CHMP4B: variants seen among roughly 807,000 people sequenced by gnomAD.
The protein encoded by CHMP4B is charged multivesicular body protein 4B.
CHMP4B carries 1 observed loss-of-function variant against 25.1 expected under a neutral mutation model. That is an observed-to-expected ratio of 0.04 (90% CI 0.01 to 0.19). The LOEUF (loss-of-function observed/expected upper bound fraction) is 0.19, where lower values mean the gene tolerates loss of function less well. Among genes scored for constraint, CHMP4B ranks in the 10% least tolerant of loss-of-function variants. The probability of loss-of-function intolerance (pLI) is 1.00; values close to 1 mark genes in which losing one functional copy is unlikely to be tolerated. For synonymous variants in CHMP4B, 101 were observed against 115.6 expected (o/e 0.87, Z 0.81); for missense variants, 151 against 289.7 (o/e 0.52, Z 3.48).
rs565047487 is a variant in CHMP4B, at chr20:33,811,855, A to G, written c.190+197A>G. Among the ~76,000 whole-genome samples the G allele has an allele frequency of 3.3e-5, 5 of 151,866 alleles. No individual in the cohort carries two copies. The East Asian group carries it at 9.7e-4, about 30-fold the overall frequency. On this transcript the variant is annotated intron_variant, in intron 1 of 4. Transcript: ENST00000217402. ...GATCCCTGGACTTTTCCATCGTCAGACTTATTCTGCCCTCTCCCCTCAGCC... is the reference window on the plus strand; with the variant it reads ...GATCCCTGGACTTTTCCATCGTCAGGCTTATTCTGCCCTCTCCCCTCAGCC...
intron 1 of CHMP4B, among the ~76,000 whole-genome samples, chr20:33,812,662 T>C (rs184516645): frequency 1.3e-5 from 2 of 152,350 alleles, no homozygotes; most frequent in East Asian, 3.9e-4. Flanking sequence ...CGACATCCCT[T>C]CCCCTTGAGA....
chr20:33,812,516 C>A (rs1346235880), intron 1 of CHMP4B, among the ~76,000 whole-genome samples: 1 of 152,196 alleles, frequency 6.6e-6, no homozygotes, highest in Non-Finnish European at 1.5e-5. Context: ...TTCCTGTTGT[C>A]GTATGGCTTT....
At chr20:33,813,186 A>G (rs1198715182) in intron 1 of CHMP4B, among the ~76,000 whole-genome samples, 1 of 151,142 alleles carries the variant, frequency 6.6e-6, no homozygotes, top group Non-Finnish European at 1.5e-5. Context: ...GGGCGTGGAA[A>G]GCAGCATGGG....
chr20:33,818,976 C>T (rs1211526785), intron 1 of CHMP4B, among the ~76,000 whole-genome samples: 1 of 152,006 alleles, frequency 6.6e-6, no homozygotes, highest in Non-Finnish European at 1.5e-5. Context: ...GTGGCGCCAT[C>T]TCATCTCACT....
intron 1 of CHMP4B, among the ~76,000 whole-genome samples, chr20:33,828,751 G>T (rs1451124083): frequency 6.6e-6 from 1 of 151,802 alleles, no homozygotes; most frequent in Non-Finnish European, 1.5e-5. Flanking sequence ...AATTTTTGGT[G>T]CTTCTTGTCT....
intron 1 of CHMP4B, among the ~76,000 whole-genome samples, chr20:33,823,137 A>AT (rs34248240): frequency 1.1e-3 from 168 of 148,528 alleles, no homozygotes; most frequent in East Asian, 1.6e-3. Flanking sequence ...TCAAAGAAAA[A>AT]TTTTTTTTTT....
chr20:33,848,546 G>A lies in CHMP4B; in HGVS notation c.270G>A (p.Glu90=), dbSNP rs77820932. The change falls in exon 2 of 5, where the codon GAG becomes GAA. Residue 90 remains glutamate, a synonymous_variant. Transcript: ENST00000217402. ...AQIDGTLSTI[E]FQREALENAN... ...TCGACGGCACATTATCAACCATCGA[G>A]TTCCAGCGGGAGGCCCTGGAGAATG... 305 of 1,614,222 alleles carry A rather than the reference G, an allele frequency of 1.9e-4. 2 individuals are homozygous for A. The East Asian group carries it at 6.2e-3, about 33-fold the overall frequency.
At position 33,830,933 on chromosome 20, in the gene CHMP4B, G is replaced by GTTTTTTTTTTTTTTTTTTTTTTTTT. The variant is rs55917511; in HGVS notation, c.191-17518_191-17517insTTTTTTTTTTTTTTTTTTTTTTTTT. On this transcript the variant is annotated intron_variant, in intron 1 of 4. Coordinates refer to ENST00000217402, the MANE Select transcript of CHMP4B (RefSeq NM_176812.5). ...TGAATTAATTGTTCAAAGGAACAGA[G>GTTTTTTTTTTTTTTTTTTTTTTTTT]TTTTTTTTTTTTTTTTAGTTTTTTT... Among the ~76,000 whole-genome samples the GTTTTTTTTTTTTTTTTTTTTTTTTT allele has an allele frequency of 1.4e-3, 147 of 102,494 alleles. 2 individuals are homozygous for GTTTTTTTTTTTTTTTTTTTTTTTTT. In the Middle Eastern group the frequency reaches 0.021, roughly 15 times the overall value. The allele number at this position is 102,494 out of a possible 152,430, so 67.2% of individuals were successfully genotyped here.
At position 33,841,521 on chromosome 20, in the gene CHMP4B, T is replaced by C. The variant is rs951024113; in HGVS notation, c.191-6946T>C. Among the ~76,000 whole-genome samples the C allele has an allele frequency of 3.3e-5, 5 of 152,352 alleles. No individual in the cohort carries two copies. In the South Asian group the frequency reaches 1.0e-3, roughly 32 times the overall value. ...GAGCAACGATGGACACAAAACAGCC[T>C]CTGTCTGGGCTTCCAATATGCATTT... On this transcript the variant is annotated intron_variant, in intron 1 of 4. Transcript: ENST00000217402.
At chr20:33,832,443 C>T (rs76959569) in intron 1 of CHMP4B, among the ~76,000 whole-genome samples, 4,321 of 152,208 alleles carry the variant, frequency 0.028, 206 homozygotes, top group African/African-American at 0.099. Context: ...CACACCAAAG[C>T]GCCAGTGCCA....
chr20:33,815,344 G>A (rs1978755099), intron 1 of CHMP4B, among the ~76,000 whole-genome samples: 1 of 152,208 alleles, frequency 6.6e-6, no homozygotes, highest in African/African-American at 2.4e-5. Flanking sequence ...GTAGAAGCAT[G>A]GGAAACTGGA....
intron 4 of CHMP4B, among the ~76,000 whole-genome samples, chr20:33,852,725 G>T (rs1004404331): frequency 2.0e-5 from 3 of 152,160 alleles, no homozygotes; most frequent in African/African-American, 7.2e-5. Context: ...GTGAGTCCAG[G>T]ACAGCTCTTT....
chr20:33,828,547 A>G (rs2122792746), intron 1 of CHMP4B, among the ~76,000 whole-genome samples: 1 of 152,272 alleles, frequency 6.6e-6, no homozygotes, highest in African/African-American at 2.4e-5. Flanking sequence ...AGGATCACAA[A>G]CTACAGAAAT....
chr20:33,848,523 G>A lies in CHMP4B; in HGVS notation c.247G>A (p.Asp83Asn). 1.2e-6 allele frequency: 2 copies of A among 1,614,206 alleles called. No homozygotes were observed. Among genetic ancestry groups the A allele is most frequent in the Non-Finnish European group, 1.7e-6 (2 of 1,180,040 alleles). ...GTATGAGAAGCAGCTGGCGCAGATC[G>A]ACGGCACATTATCAACCATCGAGTT... ...KRYEKQLAQI[D>N]GTLSTIEFQR... Residue 83 changes from aspartate to asparagine, a missense_variant, in exon 2 of 5, where the codon GAC (aspartate) becomes AAC (asparagine). Physicochemically the swap from Asp to Asn is conservative, Grantham distance 23. Transcript: ENST00000217402.
At chr20:33,838,297 G>T (rs1482398228) in intron 1 of CHMP4B, among the ~76,000 whole-genome samples, 1 of 152,190 alleles carries the variant, frequency 6.6e-6, no homozygotes, top group Non-Finnish European at 1.5e-5. Context: ...TAAGATTAGT[G>T]TCAGGTGTTA....
intron 1 of CHMP4B, among the ~76,000 whole-genome samples, chr20:33,826,591 T>C (rs1029286121): frequency 1.3e-5 from 2 of 152,194 alleles, no homozygotes; most frequent in African/African-American, 4.8e-5. Flanking sequence ...TTAGGTTGTC[T>C]GTCCATTACT....
intron 1 of CHMP4B, among the ~76,000 whole-genome samples, chr20:33,830,884 C>A (rs1366358158): frequency 6.8e-6 from 1 of 146,650 alleles, no homozygotes; most frequent in Non-Finnish European, 1.5e-5. Flanking sequence ...ATTTTCTAAA[C>A]AATCAGATTA....
chr20:33,829,142 G>T (rs1458590803), intron 1 of CHMP4B, among the ~76,000 whole-genome samples: 1 of 152,248 alleles, frequency 6.6e-6, no homozygotes, highest in Non-Finnish European at 1.5e-5. Flanking sequence ...AAGGGAGAAA[G>T]CGAGAAGAGC....
At chr20:33,843,907 C>A (rs1262403832) in intron 1 of CHMP4B, among the ~76,000 whole-genome samples, 1 of 152,220 alleles carries the variant, frequency 6.6e-6, no homozygotes, top group African/African-American at 2.4e-5. Flanking sequence ...TTAGGTGTTT[C>A]TGTGGGGGAA....
Sources: allele counts gnomAD v4.1 joint callset (sites outside exome capture counted in the v4.1 genomes callset), GRCh38; gene constraint gnomAD v4.1.1; transcripts MANE v1.5; gene names NCBI Gene and HGNC (gene_info 2026-07-23, HGNC 2026-07-21).